PTPN2: variants seen among roughly 807,000 people sequenced by gnomAD.
The protein encoded by PTPN2 is tyrosine-protein phosphatase non-receptor type 2.
PTPN2 carries 19 observed loss-of-function variants against 57.3 expected under a neutral mutation model. The observed-to-expected ratio is 0.33, with a 90% confidence interval of 0.23 to 0.49. The LOEUF (loss-of-function observed/expected upper bound fraction) is 0.49. Ranked by LOEUF, PTPN2 falls within the 20% of genes least tolerant of loss-of-function variation. The probability of loss-of-function intolerance (pLI) is 0.99; values close to 1 mark genes in which losing one functional copy is unlikely to be tolerated. For missense variants in PTPN2, 358 were observed against 501.1 expected, an observed-to-expected ratio of 0.71 and a Z score of 2.73; for synonymous variants, 153 against 164.9, an observed-to-expected ratio of 0.93 and a Z score of 0.55.
chr18:12,870,333 A>ATACGTG (rs1568168647), intron 1 of PTPN2, among the ~76,000 whole-genome samples: 31 of 61,928 alleles, frequency 5.0e-4, no homozygotes, highest in South Asian at 8.4e-4. Flanking sequence ...ATATATATGT[A>ATACGTG]TATATATACA....
At chr18:12,821,742 C>T (rs1461142375) in intron 5 of PTPN2, among the ~76,000 whole-genome samples, 1 of 152,112 alleles carries the variant, frequency 6.6e-6, no homozygotes, top group African/African-American at 2.4e-5. Flanking sequence ...CCTGGATACC[C>T]GAAGGAGAGG....
chr18:12,847,395 C>A (rs2043246579), intron 2 of PTPN2, among the ~76,000 whole-genome samples: 1 of 152,126 alleles, frequency 6.6e-6, no homozygotes. Flanking sequence ...GGGCTTAACA[C>A]AGGATAAAGA....
intron 4 of PTPN2, among the ~76,000 whole-genome samples, chr18:12,828,556 T>C (rs1337151219): frequency 6.6e-6 from 1 of 152,234 alleles, no homozygotes; most frequent in Non-Finnish European, 1.5e-5. Flanking sequence ...ACATCTCTCA[T>C]ATCTTTGAGA....
chr18:12,799,780 C>T (rs1663438035), intron 8 of PTPN2, among the ~76,000 whole-genome samples: 1 of 152,034 alleles, frequency 6.6e-6, no homozygotes, highest in African/African-American at 2.4e-5. Context: ...TTGTTTCTCA[C>T]TCTCAGTGCC....
At chr18:12,866,443 A>G (rs889224058) in intron 1 of PTPN2, among the ~76,000 whole-genome samples, 5 of 35,340 alleles carry the variant, frequency 1.4e-4, no homozygotes, top group Non-Finnish European at 2.3e-4. Flanking sequence ...TCTCAAAAAC[A>G]AAACAAAACA....
chr18:12,801,976 C>G lies in PTPN2; in HGVS notation c.1034G>C (p.Ser345Thr), dbSNP rs1568084999. ...GTAGTTATAGAAAGCTTACCTCTCA[C>G]TGTTCTCCTCCATTGTATCTTGCAT... Reference protein sequence around the residue: ...SKMQDTMEENSESALRKRIRE... With the variant: ...SKMQDTMEENTESALRKRIRE... The change falls in exon 8 of 9, where the codon AGT becomes ACT. Residue 345 changes from serine (S) to threonine (T), a missense_variant. Physicochemically the swap from Ser to Thr is moderately conservative, Grantham distance 58 (BLOSUM62 1). This residue lies in a region of PTPN2 where 96 missense variants were observed against 110.8 expected (regional missense o/e 0.87). Coordinates refer to ENST00000309660, the MANE Select transcript of PTPN2 (RefSeq NM_002828.4). 6.3e-7 allele frequency: 1 copy of G among 1,596,754 alleles called. No homozygotes were observed. The highest frequency in any genetic ancestry group is 2.2e-5 in the East Asian group (1 of 44,518).
rs2043382590 is a variant in PTPN2, at chr18:12,851,196, T to C, written c.160+7968A>G. 3.7e-5 allele frequency among the ~76,000 whole-genome samples: 2 copies of C among 53,888 alleles called. 1 individual carries two copies. The highest frequency in any genetic ancestry group is 8.7e-5 in the African/African-American group (2 of 22,940). The allele number at this position is 53,888 out of a possible 152,430, so 35.4% of individuals were successfully genotyped here. A position where few individuals can be genotyped will look rare whatever the true frequency, so the allele number is the denominator to read the frequency against. ...TTATATTAAGGTTAATAATATTATA[T>C]AGGCCGGGCGCGGTGGCTCACGCCT... On this transcript the variant is annotated intron_variant, in intron 2 of 8. Coordinates refer to ENST00000309660, the MANE Select transcript of PTPN2 (RefSeq NM_002828.4).
Position 12,794,405 on chromosome 18 carries a change from T to G in PTPN2, c.1121A>C (p.Glu374Ala). The change falls in exon 9 of 9, where the codon GAG (glutamate) becomes GCG (alanine). Residue 374 changes from glutamate (E) to alanine (A), a missense_variant. Physicochemically the swap from Glu to Ala is moderately radical, Grantham distance 107. This residue lies in a region of PTPN2 where 96 missense variants were observed against 110.8 expected (regional missense o/e 0.87). Coordinates refer to ENST00000309660, the MANE Select transcript of PTPN2 (RefSeq NM_002828.4). ...KVQQMKQRLN[E>A]NERKRKRWLY... is the part of the protein sequence containing the mutation. ...CCACCTTTTTCTTTTTCGTTCATTC[T>G]CATTTAGCCTCTGTTTCATCTGCTG... 6.2e-7 allele frequency: 1 copy of G among 1,614,224 alleles called. No individual in the cohort carries two copies. Among genetic ancestry groups the G allele is most frequent in the Non-Finnish European group, 8.5e-7 (1 of 1,180,028 alleles).
intron 1 of PTPN2, among the ~76,000 whole-genome samples, chr18:12,874,230 CCGCCCCG>C (rs2044386629): frequency 6.7e-6 from 1 of 149,392 alleles, no homozygotes; most frequent in Non-Finnish European, 1.5e-5. Flanking sequence ...GCCCGGCCAG[CCGCCCCG>C]TCCGGGAGGG....
In PTPN2 at chr18:12,830,968, A is replaced by T. The variant is rs2042647498; in HGVS notation, c.335T>A (p.Leu112Gln). 6.2e-7 allele frequency: 1 copy of T among 1,606,534 alleles called. No homozygotes were observed. The highest frequency in any genetic ancestry group is 8.5e-7 in the Non-Finnish European group (1 of 1,173,326). The part of the protein sequence containing the change: ...WQQKTKAVVM[L>Q]NRIVEKESVK... The stretch of plus-strand genomic sequence containing the variant: ...CGATTCTTTCTCCACAATGCGGTTC[A>T]GCATGACAACTGCTTTGGTCTTCTG... The change falls in exon 4 of 9, where the codon CTG becomes CAG. Residue 112 changes from leucine (L) to glutamine (Q), a missense_variant. Around this residue, in one of 4 missense-constraint regions of PTPN2, gnomAD observed 193 missense variants for 315.4 expected, o/e 0.61. Coordinates refer to ENST00000309660, the MANE Select transcript of PTPN2 (RefSeq NM_002828.4).
Position 12,884,174 on chromosome 18 carries a change from T to TGCGCCGGCGGAGAGGCTCAGGCTC in PTPN2, c.-34_-33insGAGCCTGAGCCTCTCCGCCGGCGC. 6.5e-7 allele frequency: 1 copy of TGCGCCGGCGGAGAGGCTCAGGCTC among 1,549,426 alleles called. No individual in the cohort carries two copies. Among genetic ancestry groups the TGCGCCGGCGGAGAGGCTCAGGCTC allele is most frequent in the South Asian group, 1.2e-5 (1 of 84,480 alleles). ...GGAGCGAGCTGGCGCGAGCAGAGCC[T>TGCGCCGGCGGAGAGGCTCAGGCTC]GCGCCGGCGGAGAGGCTCAGGCCCC... On this transcript the variant is annotated 5_prime_UTR_variant, in exon 1 of 9. Coordinates refer to ENST00000309660, the MANE Select transcript of PTPN2 (RefSeq NM_002828.4).
chr18:12,797,441 G>A lies in PTPN2; in HGVS notation c.1041-2956C>T, dbSNP rs540063314. Among the ~76,000 whole-genome samples, 5 of 152,024 alleles carry A rather than the reference G, an allele frequency of 3.3e-5. No homozygotes were observed. The South Asian group carries it at 1.0e-3, about 32-fold the overall frequency. Reference sequence around the variant, plus strand: ...TTAAAAGGTTTTGTACTATATTTGGGGGAACTGGTTATGCTTTCTGGTTGG... The same window carrying A: ...TTAAAAGGTTTTGTACTATATTTGGAGGAACTGGTTATGCTTTCTGGTTGG... On this transcript the variant is annotated intron_variant, in intron 8 of 8. Coordinates refer to ENST00000309660, the MANE Select transcript of PTPN2 (RefSeq NM_002828.4).
At chr18:12,810,046 G>A (rs1307628054) in intron 7 of PTPN2, among the ~76,000 whole-genome samples, 2 of 152,176 alleles carry the variant, frequency 1.3e-5, no homozygotes, top group Admixed American at 6.5e-5. Context: ...GCTGGGTGTG[G>A]TGGCACATGC....
intron 4 of PTPN2, among the ~76,000 whole-genome samples, chr18:12,828,413 G>A (rs761988898): frequency 6.6e-6 from 1 of 152,076 alleles, no homozygotes; most frequent in East Asian, 1.9e-4. Flanking sequence ...GAAACACCAG[G>A]AAGAGAATGA....
Position 12,836,904 on chromosome 18 carries a change from A to G in PTPN2, c.161-13T>C. ...CGACTGTGATCATCTGAAAATAGAG[A>G]ATGATAAACCACAACTGTCATTTCA... On this transcript the variant is annotated splice_polypyrimidine_tract_variant and intron_variant, in intron 2 of 8. Coordinates refer to ENST00000309660, the MANE Select transcript of PTPN2 (RefSeq NM_002828.4). 8 of 1,497,782 alleles carry G rather than the reference A, an allele frequency of 5.3e-6. No individual in the cohort carries two copies. The highest frequency in any genetic ancestry group is 7.4e-6 in the Non-Finnish European group (8 of 1,077,802). 92.8% of individuals were successfully genotyped at this position (1,497,782 alleles called of 1,614,324 possible). A position where few individuals can be genotyped will look rare whatever the true frequency, so the allele number is the denominator to read the frequency against.
exon 10 of PTPN2, chr18:12,785,730 C>T (rs2040830294): frequency 8.6e-7 from 1 of 1,164,760 alleles, no homozygotes; most frequent in Non-Finnish European, 1.3e-6. Context: ...GGTTAGCGAG[C>T]CTCACTTTAG....
chr18:12,800,938 C>T (rs569845398), intron 8 of PTPN2, among the ~76,000 whole-genome samples: 6 of 152,260 alleles, frequency 3.9e-5, no homozygotes, highest in South Asian at 4.1e-4. Flanking sequence ...TTTTAAAAAA[C>T]GCCTTTTTCT....
chr18:12,829,595 A>G (rs2042598565), intron 4 of PTPN2, among the ~76,000 whole-genome samples: 1 of 152,044 alleles, frequency 6.6e-6, no homozygotes, highest in Non-Finnish European at 1.5e-5. Flanking sequence ...AAATAAGGAA[A>G]ATAACTGCAA....
chr18:12,826,002 A>G (rs2042441683), intron 4 of PTPN2, 58 bp from the exon 5 acceptor site: 8 of 1,409,152 alleles, frequency 5.7e-6, no homozygotes, highest in African/African-American at 2.9e-5. Flanking sequence ...ATGAAACCAT[A>G]AAGTTAAAAA....
Sources: gnomAD v4.1 joint callset for allele counts (sites outside exome capture counted in the v4.1 genomes callset) on GRCh38, gnomAD v4.1.1 for gene constraint, gnomAD v4.1.1 regional missense constraint, MANE v1.5 for transcripts, NCBI Gene and HGNC (gene_info 2026-07-23, HGNC 2026-07-21) for gene names.